The following C2CD5 variants were observed in gnomAD, a reference collection of about 807,000 sequenced individuals.
C2CD5 encodes C2 calcium dependent domain containing 5.
A neutral mutation model predicts 130.3 loss-of-function variants in C2CD5; 109 were observed. That is an observed-to-expected ratio of 0.84 (90% confidence interval 0.72 to 0.98). The LOEUF (loss-of-function observed/expected upper bound fraction) is 0.98. C2CD5 is among the 50% of genes least tolerant of loss of function. The pLI, the probability that C2CD5 is intolerant of heterozygous loss-of-function variation, is 0.00. For synonymous variants in C2CD5, 454 were observed against 429.2 expected, an observed-to-expected ratio of 1.06 and a Z score of -0.71; for missense variants, 996 against 1,261.8, an observed-to-expected ratio of 0.79 and a Z score of 3.19.
intron 3 of C2CD5, among the ~76,000 whole-genome samples, chr12:22,530,415 C>CAT: frequency 6.6e-6 from 1 of 150,892 alleles, no homozygotes. Flanking sequence ...TTTTTCACAG[C>CAT]ATATATATTA....
chr12:22,530,854 C>T (rs1951208402), intron 3 of C2CD5, among the ~76,000 whole-genome samples: 1 of 152,056 alleles, frequency 6.6e-6, no homozygotes. Flanking sequence ...TGCTTGAGTA[C>T]TCACTAGCTT....
intron 23 of C2CD5, 56 bp from the exon 24 acceptor site, chr12:22,458,641 G>T: frequency 1.5e-6 from 1 of 679,118 alleles, no homozygotes; most frequent in Non-Finnish European, 2.1e-6. Context: ...TATGGATGAT[G>T]TCTCTTACTC....
chr12:22,475,298 A>G (rs1428231598), intron 15 of C2CD5, among the ~76,000 whole-genome samples: 2 of 152,208 alleles, frequency 1.3e-5, no homozygotes, highest in African/African-American at 4.8e-5. Flanking sequence ...AATCTTTTAT[A>G]TATTTTCTTA....
intron 2 of C2CD5, among the ~76,000 whole-genome samples, chr12:22,539,544 T>C (rs1330244782): frequency 6.6e-6 from 1 of 152,080 alleles, no homozygotes; most frequent in East Asian, 1.9e-4. Flanking sequence ...GCTTTAGACA[T>C]TTCTAGCAGT....
chr12:22,539,256 C>G (rs1030258580), intron 2 of C2CD5, among the ~76,000 whole-genome samples: 8 of 152,136 alleles, frequency 5.3e-5, no homozygotes, highest in African/African-American at 1.9e-4. Flanking sequence ...CTTACTTGAC[C>G]TCAGTGACAT....
At chr12:22,468,750 G>A (rs558902256) in intron 22 of C2CD5, among the ~76,000 whole-genome samples, 12 of 152,102 alleles carry the variant, frequency 7.9e-5, no homozygotes, top group South Asian at 6.2e-4. Flanking sequence ...CTTATTTTTC[G>A]TCTTTGAAAT....
At chr12:22,525,968 C>T (rs532580202) in intron 4 of C2CD5, among the ~76,000 whole-genome samples, 2 of 152,052 alleles carry the variant, frequency 1.3e-5, no homozygotes, top group South Asian at 2.1e-4. Context: ...TATAAGTGTT[C>T]GGTGCACATT....
At chr12:22,537,947 C>A (rs1214773412) in intron 2 of C2CD5, among the ~76,000 whole-genome samples, 3 of 152,164 alleles carry the variant, frequency 2.0e-5, no homozygotes, top group Non-Finnish European at 4.4e-5. Context: ...CAAGACTACT[C>A]GTCTTGAAGA....
At chr12:22,517,926 T>C in intron 8 of C2CD5, 60 bp downstream of exon 8, 1 of 1,400,552 alleles carries the variant, frequency 7.1e-7, no homozygotes, top group Non-Finnish European at 9.8e-7. Context: ...GGAAAGCTAA[T>C]AAGAAATAGA....
In C2CD5 at chr12:22,525,661, T is replaced by A. The variant is rs770474476; in HGVS notation, c.394A>T (p.Asn132Tyr). Reference sequence around the variant, plus strand: ...GACTGCCTAAATCGATTTAAATCATTGAAGAGGTCTACTTTGACAACTACA... The same window carrying A: ...GACTGCCTAAATCGATTTAAATCATAGAAGAGGTCTACTTTGACAACTACA... ...INVVVKVDLF[N>Y]DLNRFRQSSC... is the part of the protein sequence containing the mutation. The change falls in exon 5 of 27, where the codon AAT (asparagine) becomes TAT (tyrosine). Residue 132 changes from asparagine (N) to tyrosine (Y), a missense_variant. Physicochemically the swap from Asn to Tyr is moderately radical, Grantham distance 143. Coordinates refer to ENST00000446597, the MANE Select transcript of C2CD5 (RefSeq NM_001286176.2). The A allele has an allele frequency of 2.5e-6, 4 of 1,594,592 alleles. No homozygotes were observed. The highest frequency in any genetic ancestry group is 1.7e-4 in the Middle Eastern group (1 of 6,036).
chr12:22,468,712 C>T (rs181759909), intron 22 of C2CD5, among the ~76,000 whole-genome samples: 22 of 152,216 alleles, frequency 1.4e-4, no homozygotes, highest in Admixed American at 1.2e-3. Flanking sequence ...ACAGTTACTA[C>T]GTTACAAAGT....
intron 9 of C2CD5, chr12:22,512,824 C>A: frequency 2.1e-6 from 1 of 487,708 alleles, no homozygotes; most frequent in Non-Finnish European, 3.5e-6. Context: ...TGAATAACCA[C>A]ATTATTTATA....
chr12:22,517,941 A>G, intron 8 of C2CD5, 45 bp downstream of exon 8: 3 of 1,516,840 alleles, frequency 2.0e-6, no homozygotes, highest in Non-Finnish European at 2.7e-6. Flanking sequence ...AATAGAAACA[A>G]ATTTTTAAAA....
intron 4 of C2CD5, among the ~76,000 whole-genome samples, chr12:22,527,028 C>T (rs1264017352): frequency 6.6e-6 from 1 of 152,166 alleles, no homozygotes; most frequent in Non-Finnish European, 1.5e-5. Context: ...TGGCATGTGC[C>T]TGCAATGGCA....
At chr12:22,489,946 T>A (rs994478513) in intron 12 of C2CD5, among the ~76,000 whole-genome samples, 177 bp downstream of exon 12, 1 of 152,124 alleles carries the variant, frequency 6.6e-6, no homozygotes. Flanking sequence ...TAGTGCAGAA[T>A]CCAATACTCC....
At chr12:22,506,647 T>C in intron 10 of C2CD5, 64 bp downstream of exon 10, 1 of 978,460 alleles carries the variant, frequency 1.0e-6, no homozygotes, top group South Asian at 1.4e-5. Flanking sequence ...AAAAAAATCA[T>C]AAAAATCAAT....
chr12:22,467,096 A>G (rs991161330), intron 22 of C2CD5, among the ~76,000 whole-genome samples: 1 of 152,130 alleles, frequency 6.6e-6, no homozygotes, highest in Non-Finnish European at 1.5e-5. Flanking sequence ...CCTCTGACAA[A>G]CCTCTATGGT....
At chr12:22,517,703 T>G (rs1949877037) in intron 8 of C2CD5, among the ~76,000 whole-genome samples, 1 of 152,184 alleles carries the variant, frequency 6.6e-6, no homozygotes, top group South Asian at 2.1e-4. Context: ...AAGATGTTAT[T>G]CCTTTTAATT....
rs765923616 is a variant in C2CD5 at position 22,525,715 on chromosome 12, TAA to T, written c.350-12_350-11del. 3.0e-6 allele frequency: 4 copies of T among 1,320,874 alleles called. No homozygotes were observed. The highest frequency in any genetic ancestry group is 4.4e-6 in the Non-Finnish European group (4 of 919,092). The allele number at this position is 1,320,874 out of a possible 1,614,324, so 81.8% of individuals were successfully genotyped here. ...ATTTCCCCACGGATACCTATAAATT[TAA>T]AAAGAAAATCAAGTTTCTACCTTAA... On this transcript the variant is annotated splice_polypyrimidine_tract_variant and intron_variant, in intron 4 of 26. Transcript: ENST00000446597.
Sources: allele counts gnomAD v4.1 joint callset (sites outside exome capture counted in the v4.1 genomes callset), GRCh38; gene constraint gnomAD v4.1.1; transcripts MANE v1.5; gene names NCBI Gene and HGNC (gene_info 2026-07-23, HGNC 2026-07-21).